HIPK3: variants seen among roughly 807,000 people sequenced by gnomAD.
HIPK3 encodes the protein homeodomain-interacting protein kinase 3.
Under a neutral mutation model 124.2 loss-of-function variants are expected in HIPK3, and 47 were observed. The ratio of observed to expected loss-of-function variants is 0.38; its 90% CI spans 0.30 to 0.48. The LOEUF (loss-of-function observed/expected upper bound fraction) is 0.48. HIPK3 is among the 20% of genes least tolerant of loss of function. The probability of loss-of-function intolerance (pLI) is 0.98; values close to 1 mark genes in which losing one functional copy is unlikely to be tolerated. For missense variants in HIPK3, 1,286 were observed against 1,454.3 expected (o/e 0.88, Z 1.88); for synonymous variants, 482 against 515.2 (o/e 0.94, Z 0.87).
intron 13 of HIPK3, 66 bp from the exon 14 acceptor site, chr11:33,349,081 A>C (rs921024229): frequency 1.4e-6 from 2 of 1,423,674 alleles, no homozygotes; most frequent in South Asian, 2.5e-5. Flanking sequence ...AAGAATATAA[A>C]TTTTGGCTAT....
chr11:33,308,504 A>G (rs1279328206), intron 2 of HIPK3, among the ~76,000 whole-genome samples: 2 of 152,184 alleles, frequency 1.3e-5, no homozygotes, highest in African/African-American at 4.8e-5. Context: ...TTATTTCCAT[A>G]GAAAATTGGC....
chr11:33,264,050 T>C (rs528996516), intron 1 of HIPK3, among the ~76,000 whole-genome samples: 4 of 152,366 alleles, frequency 2.6e-5, no homozygotes, highest in East Asian at 1.9e-4. Flanking sequence ...ACTTCTGATA[T>C]CTATGTCTGT....
intron 1 of HIPK3, among the ~76,000 whole-genome samples, chr11:33,266,144 C>G (rs1030446392): frequency 6.7e-6 from 1 of 150,126 alleles, no homozygotes; most frequent in East Asian, 1.9e-4. Context: ...GTGCAGTGAA[C>G]GAAGAGACTA....
intron 8 of HIPK3, among the ~76,000 whole-genome samples, chr11:33,346,367 C>T (rs555389997): frequency 1.3e-5 from 2 of 152,208 alleles, no homozygotes; most frequent in South Asian, 2.1e-4. Flanking sequence ...AGCCACATTG[C>T]GGAAACCTTA....
chr11:33,346,504 G>A (rs1429861591), intron 8 of HIPK3, among the ~76,000 whole-genome samples: 1 of 152,176 alleles, frequency 6.6e-6, no homozygotes, highest in African/African-American at 2.4e-5. Context: ...AAGTTGTGAT[G>A]TATTTCTGTT....
At chr11:33,315,469 C>T (rs1431658149) in intron 2 of HIPK3, among the ~76,000 whole-genome samples, 1 of 152,222 alleles carries the variant, frequency 6.6e-6, no homozygotes, top group Non-Finnish European at 1.5e-5. Context: ...TCGTGATCCA[C>T]CTGCCTCGGC....
chr11:33,304,098 G>T (rs1406714800), intron 2 of HIPK3, among the ~76,000 whole-genome samples: 4 of 152,010 alleles, frequency 2.6e-5, no homozygotes, highest in Admixed American at 1.3e-4. Flanking sequence ...GCACCAGCAC[G>T]TCCAGCTAAT....
At chr11:33,265,558 G>A (rs1850931916) in intron 1 of HIPK3, among the ~76,000 whole-genome samples, 1 of 151,152 alleles carries the variant, frequency 6.6e-6, no homozygotes, top group Admixed American at 6.6e-5. Context: ...TGGATCGCTT[G>A]AGCACAGGAG....
chr11:33,281,396 T>A (rs1351333356), intron 1 of HIPK3, among the ~76,000 whole-genome samples: 1 of 152,224 alleles, frequency 6.6e-6, no homozygotes, highest in Non-Finnish European at 1.5e-5. Context: ...ACTCATTTCA[T>A]TTTCTCCATA....
intron 2 of HIPK3, among the ~76,000 whole-genome samples, chr11:33,313,363 TATC>T (rs1425364197): frequency 6.6e-6 from 1 of 152,204 alleles, no homozygotes; most frequent in Non-Finnish European, 1.5e-5. Context: ...TGAATTGTAA[TATC>T]ATATTAATTT....
At position 33,257,461 on chromosome 11, in the gene HIPK3, C is replaced by T; in HGVS notation, c.-431C>T. 1.0e-6 allele frequency: 1 copy of T among 985,854 alleles called. No homozygotes were observed. The highest frequency in any genetic ancestry group is 1.1e-4 in the East Asian group (1 of 8,790). 61.1% of individuals were successfully genotyped at this position (985,854 alleles called of 1,614,324 possible). On this transcript the variant is annotated 5_prime_UTR_variant, in exon 1 of 17. Coordinates refer to ENST00000303296, the MANE Select transcript of HIPK3 (RefSeq NM_005734.5). ...GCCGCAGGCCCCGCCGTCGCCACCA[C>T]TCCCGCCAGTCTTCCTTCTCCGCTC...
intron 2 of HIPK3, among the ~76,000 whole-genome samples, chr11:33,295,274 A>G (rs913639348): frequency 9.6e-6 from 1 of 104,510 alleles, no homozygotes; most frequent in Non-Finnish European, 1.9e-5. Flanking sequence ...AGCAGCCACC[A>G]CCGCCCCCCC....
Position 33,348,504 on chromosome 11 carries a change from T to C in HIPK3, c.2370-18T>C. The C allele has an allele frequency of 6.4e-7, 1 of 1,565,436 alleles. No homozygotes were observed. Among genetic ancestry groups the C allele is most frequent in the Non-Finnish European group, 8.7e-7 (1 of 1,146,568 alleles). ...ATATTTTGATTATAGAAATTATAAA[T>C]TATTCCTTTGGTTGCAGGAGTAATT... On this transcript the variant is annotated intron_variant, in intron 12 of 16. Coordinates refer to ENST00000303296, the MANE Select transcript of HIPK3 (RefSeq NM_005734.5).
intron 3 of HIPK3, among the ~76,000 whole-genome samples, chr11:33,329,117 T>G (rs574251012): frequency 1.4e-4 from 21 of 152,340 alleles, no homozygotes; most frequent in African/African-American, 5.1e-4. Flanking sequence ...TAGCACTGTT[T>G]AATGATTCTC....
Position 33,352,204 on chromosome 11 carries a change from T to C in HIPK3, c.3110T>C (p.Val1037Ala), listed in dbSNP as rs888551433. ...APGRLNQPSA[V>A]GTRQQKLTSA... ...GGAAGATTAAACCAGCCTTCTGCAG[T>C]GGGTACTCGTCAGCAAAAATTGACA... Residue 1037 changes from valine to alanine, a missense_variant, in exon 16 of 17, where the codon GTG (valine) becomes GCG (alanine). Around this residue, in one of 3 missense-constraint regions of HIPK3, gnomAD observed 810 missense variants for 864.9 expected, o/e 0.94. Coordinates refer to ENST00000303296, the MANE Select transcript of HIPK3 (RefSeq NM_005734.5). 2.5e-6 allele frequency: 4 copies of C among 1,613,828 alleles called. No homozygotes were observed. The highest frequency in any genetic ancestry group is 3.4e-6 in the Non-Finnish European group (4 of 1,179,816).
intron 1 of HIPK3, among the ~76,000 whole-genome samples, chr11:33,282,517 A>G (rs1851437827): frequency 6.6e-6 from 1 of 152,134 alleles, no homozygotes. Flanking sequence ...CCCTGTCTCT[A>G]CTAAAAATAC....
intron 8 of HIPK3, among the ~76,000 whole-genome samples, chr11:33,345,267 A>G (rs541480936): frequency 8.5e-5 from 13 of 152,298 alleles, no homozygotes; most frequent in Non-Finnish European, 1.8e-4. Flanking sequence ...AAAGTTAGGT[A>G]TTCATCCCCT....
chr11:33,267,989 C>T (rs1300924147), intron 1 of HIPK3, among the ~76,000 whole-genome samples: 1 of 151,988 alleles, frequency 6.6e-6, no homozygotes, highest in Non-Finnish European at 1.5e-5. Context: ...GGCCGGCAGA[C>T]CACCTGAGCT....
chr11:33,272,119 C>T (rs1045232206), intron 1 of HIPK3, among the ~76,000 whole-genome samples: 3 of 152,090 alleles, frequency 2.0e-5, no homozygotes, highest in African/African-American at 4.8e-5. Flanking sequence ...ATGTCGTGGC[C>T]GGGTGCAGTG....
Sources: allele counts gnomAD v4.1 joint callset (sites outside exome capture counted in the v4.1 genomes callset), GRCh38; gene constraint gnomAD v4.1.1; regional missense constraint gnomAD v4.1.1; transcripts MANE v1.5; gene names NCBI Gene and HGNC (gene_info 2026-07-23, HGNC 2026-07-21).